The following PCDHA8 variants were observed in gnomAD, a reference collection of about 807,000 sequenced individuals.
The protein encoded by PCDHA8 is protocadherin alpha 8.
In PCDHA8, 53 loss-of-function variants were observed where a neutral mutation model predicts 61.8. That is an observed-to-expected ratio of 0.86 (90% confidence interval 0.69 to 1.08). The LOEUF is 1.08. Among genes scored for constraint, PCDHA8 ranks in the 50% least tolerant of loss-of-function variants. PCDHA8 has a pLI of 0.00. For missense variants in PCDHA8, 1,293 were observed against 1,245.0 expected, an observed-to-expected ratio of 1.04 and a Z score of -0.58; for synonymous variants, 618 against 556.6, an observed-to-expected ratio of 1.11 and a Z score of -1.55.
Position 141,009,737 on chromosome 5 carries a change from C to T in PCDHA8, c.2653C>T (p.Pro885Ser). The T allele has an allele frequency of 6.2e-7, 1 of 1,614,130 alleles. No homozygotes were observed. The highest frequency in any genetic ancestry group is 8.5e-7 in the Non-Finnish European group (1 of 1,180,024). Residue 885 changes from proline (P) to serine (S), a missense_variant, in exon 4 of 4, where the codon CCC becomes TCC. Physicochemically the swap from Pro to Ser is moderately conservative, Grantham distance 74 (BLOSUM62 -1). Coordinates refer to ENST00000531613, the MANE Select transcript of PCDHA8 (RefSeq NM_018911.3). ...NPKQSGPGEL[P>S]DKFIIPGSPA... Reference sequence around the variant, plus strand: ...CAAACAATCCGGTCCCGGTGAGTTGCCCGACAAATTCATTATCCCAGGATC... The same window carrying T: ...CAAACAATCCGGTCCCGGTGAGTTGTCCGACAAATTCATTATCCCAGGATC...
chr5:140,856,752 A>G lies in PCDHA8; in HGVS notation c.2394+13037A>G, dbSNP rs201595428. The G allele has an allele frequency of 2.2e-5, 35 of 1,596,730 alleles. 5 individuals carry two copies. Among genetic ancestry groups the G allele is most frequent in the Non-Finnish European group, 3.4e-6 (4 of 1,166,694 alleles). On this transcript the variant is annotated intron_variant, in intron 1 of 3. Transcript: ENST00000531613. ...CTGCTGATCCTGGTGTTAGATGCCA[A>G]TGATAACGCCCCTATCTTTGACAGA...
chr5:140,930,912 T>C (rs1205979304), intron 1 of PCDHA8, among the ~76,000 whole-genome samples: 3 of 152,196 alleles, frequency 2.0e-5, no homozygotes, highest in Non-Finnish European at 4.4e-5. Flanking sequence ...TTTTCTACTT[T>C]AGATGTGTAT....
intron 1 of PCDHA8, chr5:140,968,689 A>T: frequency 2.5e-6 from 4 of 1,614,124 alleles, no homozygotes; most frequent in Non-Finnish European, 3.4e-6. Context: ...ACACAGGAGA[A>T]ATTAGGACTA....
intron 1 of PCDHA8, chr5:140,862,626 C>A: frequency 1.9e-6 from 1 of 532,422 alleles, no homozygotes; most frequent in South Asian, 1.4e-5. Flanking sequence ...ACCCGCGGGG[C>A]TGCCACGACT....
chr5:141,009,868 G>C lies in PCDHA8; in HGVS notation c.2784G>C (p.Lys928Asn). 1 of 1,614,022 alleles carries C rather than the reference G, an allele frequency of 6.2e-7. No individual in the cohort carries two copies. Among genetic ancestry groups the C allele is most frequent in the Non-Finnish European group, 8.5e-7 (1 of 1,180,004 alleles). Residue 928 changes from lysine (K) to asparagine (N), a missense_variant, in exon 4 of 4, where the codon AAG becomes AAC. Transcript: ENST00000531613. ...AGGAGACCAAGAAAAAGAAGAAAAA[G>C]AAGAAGGGTAACAAGACCCAGGAGA... ...KKEETKKKKKKKKGNKTQEKK... is the reference protein window; with the variant it reads ...KKEETKKKKKNKKGNKTQEKK...
At chr5:140,911,030 C>A (rs995736934) in intron 1 of PCDHA8, among the ~76,000 whole-genome samples, 1 of 152,066 alleles carries the variant, frequency 6.6e-6, no homozygotes, top group East Asian at 1.9e-4. Context: ...AGTTATAGGT[C>A]TAGAAGCAAA....
chr5:140,944,623 T>A (rs535315515), intron 1 of PCDHA8, among the ~76,000 whole-genome samples: 62 of 152,320 alleles, frequency 4.1e-4, no homozygotes, highest in Non-Finnish European at 7.3e-4. Context: ...AGAAGTATAG[T>A]GTTGTAAGCC....
At chr5:140,870,955 C>G (rs782342308) in intron 1 of PCDHA8, 1 of 1,613,632 alleles carries the variant, frequency 6.2e-7, no homozygotes, top group South Asian at 1.1e-5. Context: ...GGGCGGCTCG[C>G]GCATCCCGTT....
At chr5:140,911,250 A>G (rs1165718759) in intron 1 of PCDHA8, among the ~76,000 whole-genome samples, 1 of 152,166 alleles carries the variant, frequency 6.6e-6, no homozygotes. Context: ...AAGTTTCATC[A>G]GAATTTATAA....
rs1161459762 is a variant in PCDHA8, at chr5:140,884,196, C to A, written c.2394+40481C>A. 1.9e-6 allele frequency: 3 copies of A among 1,613,298 alleles called. No homozygotes were observed. The African/African-American group carries it at 4.0e-5, about 22-fold the overall frequency. On this transcript the variant is annotated intron_variant, in intron 1 of 3. Coordinates refer to ENST00000531613, the MANE Select transcript of PCDHA8 (RefSeq NM_018911.3). ...CGCCCTCTGGACGAGGTGGACGCGCCGCACCACCGCCTTCTGGTGCTGGTG... is the reference window on the plus strand; with the variant it reads ...CGCCCTCTGGACGAGGTGGACGCGCAGCACCACCGCCTTCTGGTGCTGGTG...
At chr5:140,947,796 T>C (rs2094177808) in intron 1 of PCDHA8, among the ~76,000 whole-genome samples, 2 of 151,630 alleles carry the variant, frequency 1.3e-5, no homozygotes, top group Non-Finnish European at 3.0e-5. Context: ...AACAGACTTT[T>C]AATTTGCAGA....
chr5:140,894,239 A>C (rs1323710769), intron 1 of PCDHA8, among the ~76,000 whole-genome samples: 11 of 152,028 alleles, frequency 7.2e-5, no homozygotes, highest in African/African-American at 2.2e-4. Flanking sequence ...ATGACAATGT[A>C]ATTTTCTTTT....
At chr5:140,926,911 G>A (rs1248832475) in intron 1 of PCDHA8, 4 of 1,561,318 alleles carry the variant, frequency 2.6e-6, no homozygotes, top group Non-Finnish European at 3.5e-6. Flanking sequence ...CTGTGGGGTG[G>A]CAGTTTTATG....
At chr5:140,961,872 G>A (rs2095639337) in intron 1 of PCDHA8, among the ~76,000 whole-genome samples, 1 of 151,532 alleles carries the variant, frequency 6.6e-6, no homozygotes, top group Non-Finnish European at 1.5e-5. Flanking sequence ...ACAGATAATT[G>A]ACTTACTTAC....
At chr5:140,852,397 C>A in intron 1 of PCDHA8, 1 of 184,368 alleles carries the variant, frequency 5.4e-6, no homozygotes, top group Non-Finnish European at 1.2e-5. Flanking sequence ...CCTGCCTCAG[C>A]CTCCTGAGTA....
At chr5:140,990,821 G>T (rs890499969) in intron 3 of PCDHA8, among the ~76,000 whole-genome samples, 1 of 152,172 alleles carries the variant, frequency 6.6e-6, no homozygotes, top group East Asian at 1.9e-4. Flanking sequence ...CCTTCTCTCA[G>T]CTAAAGCCTA....
Position 140,848,595 on chromosome 5 carries a change from T to C in PCDHA8, c.2394+4880T>C, listed in dbSNP as rs2150413668. The C allele has an allele frequency of 1.4e-5, 23 of 1,594,356 alleles. 3 individuals are homozygous for C. The highest frequency in any genetic ancestry group is 1.8e-5 in the Non-Finnish European group (21 of 1,164,532). Reference sequence around the variant, plus strand: ...GGTGGGGAGCGGCCAGCTCCACTACTCCGTCCCGGAGGAAGCCGAACACGG... The same window carrying C: ...GGTGGGGAGCGGCCAGCTCCACTACCCCGTCCCGGAGGAAGCCGAACACGG... On this transcript the variant is annotated intron_variant, in intron 1 of 3. Coordinates refer to ENST00000531613, the MANE Select transcript of PCDHA8 (RefSeq NM_018911.3).
At chr5:140,868,439 G>A (rs2050456620) in intron 1 of PCDHA8, 2 of 152,256 alleles carry the variant, frequency 1.3e-5, no homozygotes, top group South Asian at 4.2e-4. Flanking sequence ...TAGATCATGT[G>A]GAACATAAAC....
chr5:140,853,678 AC>A, intron 1 of PCDHA8: 1 of 988,418 alleles, frequency 1.0e-6, no homozygotes, highest in Non-Finnish European at 1.2e-6. Context: ...CCTATGGTCA[AC>A]CTATCCTTAG....
Sources: gnomAD v4.1 joint callset for allele counts (sites outside exome capture counted in the v4.1 genomes callset) on GRCh38, gnomAD v4.1.1 for gene constraint, MANE v1.5 for transcripts, NCBI Gene and HGNC (gene_info 2026-07-23, HGNC 2026-07-21) for gene names.